The following SLC35F5 variants were observed in gnomAD, a reference collection of about 807,000 sequenced individuals.
SLC35F5 encodes solute carrier family 35 member F5, also known as HCV NS5A-transactivated protein 3.
SLC35F5 carries 54 observed loss-of-function variants against 68.6 expected under a neutral mutation model. The observed-to-expected ratio is 0.79, with a 90% CI of 0.63 to 0.99. The LOEUF (loss-of-function observed/expected upper bound fraction) is 0.99, where lower values mean the gene tolerates loss of function less well. Ranked by LOEUF, SLC35F5 falls within the 50% of genes least tolerant of loss-of-function variation. The pLI is 0.00. For synonymous variants in SLC35F5, 211 were observed against 205.2 expected (o/e 1.03, Z -0.24); for missense variants, 567 against 626.9 (o/e 0.90, Z 1.02).
chr2:113,747,286 C>CA (rs35423114), intron 4 of SLC35F5, among the ~76,000 whole-genome samples: 63,703 of 141,540 alleles, frequency 0.45, 14,721 homozygotes, highest in Middle Eastern at 0.65. Flanking sequence ...GATTCCGTCT[C>CA]AAAAAAAAAA....
At chr2:113,746,507 T>G (rs1348975557) in intron 4 of SLC35F5, among the ~76,000 whole-genome samples, 168 bp from the exon 5 acceptor site, 1 of 152,124 alleles carries the variant, frequency 6.6e-6, no homozygotes, top group Non-Finnish European at 1.5e-5. Flanking sequence ...CATTGTGAGG[T>G]AGGTATTATC....
rs190433562 is a variant in SLC35F5 at position 113,745,906 on chromosome 2, A to C, written c.480+371T>G. ...GTTTAACACAGATTTGTCACTGTAA[A>C]AAATTTGTGGAACAAACGAATAATT... is the stretch of plus-strand genomic sequence containing the variant. On this transcript the variant is annotated intron_variant, in intron 5 of 15. Transcript: ENST00000245680. 1.8e-4 allele frequency among the ~76,000 whole-genome samples: 27 copies of C among 152,326 alleles called. No individual in the cohort carries two copies. The East Asian group carries it at 5.0e-3, about 28-fold the overall frequency.
intron 7 of SLC35F5, 138 bp downstream of exon 7, chr2:113,742,554 C>G: frequency 1.3e-6 from 1 of 786,600 alleles, no homozygotes; most frequent in Non-Finnish European, 2.0e-6. Context: ...AACTTCCTAC[C>G]GGTATCAAAT....
At chr2:113,703,288 C>G (rs961747292), downstream of SLC35F5, among the ~76,000 whole-genome samples, 2 of 152,060 alleles carry the variant, frequency 1.3e-5, no homozygotes, top group African/African-American at 2.4e-5. Flanking sequence ...ACACGACTCA[C>G]GAGTTACAAC....
intron 3 of SLC35F5, among the ~76,000 whole-genome samples, chr2:113,750,956 G>A (rs531926570): frequency 6.6e-6 from 1 of 152,272 alleles, no homozygotes; most frequent in East Asian, 1.9e-4. Flanking sequence ...ACCTGCCTGG[G>A]CAACATGGCA....
At chr2:113,717,614 G>A (rs897007132) in intron 15 of SLC35F5, 139 bp downstream of exon 15, 4 of 536,134 alleles carry the variant, frequency 7.5e-6, no homozygotes, top group Non-Finnish European at 9.7e-6. Context: ...TGGAGAAGAC[G>A]GAACTGGAGT....
In SLC35F5 at chr2:113,714,634, A is replaced by G. The variant is rs1385696064; in HGVS notation, c.*584T>C. 4 of 152,160 alleles carry G rather than the reference A, an allele frequency of 2.6e-5. No individual in the cohort carries two copies. Among genetic ancestry groups the G allele is most frequent in the Admixed American group, 1.3e-4 (2 of 15,274 alleles). The allele number at this position is 152,160 out of a possible 1,614,324, so 9.4% of individuals were successfully genotyped here. A position where few individuals can be genotyped will look rare whatever the true frequency, so the allele number is the denominator to read the frequency against. ...AATACAGTAAATGTAGTGTAAGTGA[A>G]CCAGATATTTTCTCAAATACTTATT... On this transcript the variant is annotated 3_prime_UTR_variant, in exon 16 of 16. Transcript: ENST00000245680.
rs1397260251 is a variant in SLC35F5, at chr2:113,746,089, G to T, written c.480+188C>A. 3.9e-5 allele frequency among the ~76,000 whole-genome samples: 6 copies of T among 152,216 alleles called. No individual in the cohort carries two copies. The East Asian group carries it at 1.2e-3, about 29-fold the overall frequency. The stretch of plus-strand genomic sequence containing the variant: ...CTCTCTCTTCAGAGGCAGCTAAATT[G>T]CTTACCTCTAGGCCCCAGGTAACCC... On this transcript the variant is annotated intron_variant, in intron 5 of 15. Coordinates refer to ENST00000245680, the MANE Select transcript of SLC35F5 (RefSeq NM_025181.5).
rs1039162098 is a variant in SLC35F5 at position 113,734,795 on chromosome 2, T to A, written c.833-122A>T. ...CTACCTTTCAAATTATTTTTGTCAC[T>A]CTTAACTAAGAAAATGACTGCAGTT... is the stretch of plus-strand genomic sequence containing the variant. On this transcript the variant is annotated intron_variant, in intron 8 of 15. Coordinates refer to ENST00000245680, the MANE Select transcript of SLC35F5 (RefSeq NM_025181.5). 1.3e-5 allele frequency: 8 copies of A among 620,162 alleles called. No individual in the cohort carries two copies. The African/African-American group carries it at 1.3e-4, about 10-fold the overall frequency. The allele number at this position is 620,162 out of a possible 1,614,324, so 38.4% of individuals were successfully genotyped here.
At chr2:113,741,224 T>C (rs1219567376) in intron 7 of SLC35F5, among the ~76,000 whole-genome samples, 3 of 151,970 alleles carry the variant, frequency 2.0e-5, no homozygotes, top group Non-Finnish European at 4.4e-5. Flanking sequence ...GAGGTACTTA[T>C]GAGTAGTCAA....
At chr2:113,733,855 C>T (rs1240574469) in intron 9 of SLC35F5, among the ~76,000 whole-genome samples, 3 of 152,216 alleles carry the variant, frequency 2.0e-5, no homozygotes, top group African/African-American at 7.2e-5. Context: ...GCTTTGATAA[C>T]CAAGAAACAC....
At position 113,707,044 on chromosome 2, in the gene SLC35F5, T is replaced by C. The variant is rs1353230298; in HGVS notation, c.*8174A>G. Among the ~76,000 whole-genome samples the C allele has an allele frequency of 6.6e-6, 1 of 152,186 alleles. No homozygotes were observed. The highest frequency in any genetic ancestry group is 6.5e-5 in the Admixed American group (1 of 15,272). ...TTTATAATTGTGTTTAAATTTTAAA[T>C]ACTCTAGAATCTGAAAATATTAAAT... On this transcript the variant is annotated 3_prime_UTR_variant, in exon 16 of 16. Coordinates refer to ENST00000245680, the MANE Select transcript of SLC35F5 (RefSeq NM_025181.5).
Position 113,735,850 on chromosome 2 carries a change from CA to C in SLC35F5, c.758del (p.Leu253TrpfsTer17). On this transcript the variant is annotated frameshift_variant, in exon 8 of 16. Coordinates refer to ENST00000245680, the MANE Select transcript of SLC35F5 (RefSeq NM_025181.5). LOFTEE classifies it high-confidence loss of function. The stretch of plus-strand genomic sequence containing the variant: ...GTGCTTCTTGATATGACAAATTTGC[CA>C]AAAACCACTAAAGAAAAAGAAAACC... ...ISFFFCFVWF[L>X]ANLSYQEALS... The C allele has an allele frequency of 1.9e-6, 3 of 1,606,452 alleles. No homozygotes were observed. Among genetic ancestry groups the C allele is most frequent in the Non-Finnish European group, 2.6e-6 (3 of 1,175,950 alleles).
rs1686901334 is a variant in SLC35F5 at position 113,709,413 on chromosome 2, C to T, written c.*5805G>A. Among the ~76,000 whole-genome samples the T allele has an allele frequency of 6.6e-6, 1 of 152,194 alleles. No individual in the cohort carries two copies. The highest frequency in any genetic ancestry group is 2.1e-4 in the South Asian group (1 of 4,828). On this transcript the variant is annotated 3_prime_UTR_variant, in exon 16 of 16. Transcript: ENST00000245680. ...AGGAATCTTAAAAGATACTGAATTT[C>T]GCTTCTCACTTTATAGCTGAGAAGA...
chr2:113,747,518 T>C (rs966714253), intron 4 of SLC35F5, among the ~76,000 whole-genome samples: 2 of 151,892 alleles, frequency 1.3e-5, no homozygotes, highest in African/African-American at 4.8e-5. Flanking sequence ...AAATCAGTAA[T>C]AAAAAGGGAG....
rs1559318558 is a variant in SLC35F5 at position 113,718,932 on chromosome 2, A to AAAGAAAGG, written c.1496+221_1496+222insCCTTTCTT. On this transcript the variant is annotated intron_variant, in intron 14 of 15. Coordinates refer to ENST00000245680, the MANE Select transcript of SLC35F5 (RefSeq NM_025181.5). Reference sequence around the variant, plus strand: ...AAGAAAGAAAGAAAGAAAGAAAAAGAAAGGAAGAAAGGAAGGAAGGAAGAA... The same window carrying AAAGAAAGG: ...AAGAAAGAAAGAAAGAAAGAAAAAGAAAGAAAGGAAGGAAGAAAGGAAGGAAGGAAGAA... Among the ~76,000 whole-genome samples the AAAGAAAGG allele has an allele frequency of 4.5e-5, 6 of 133,182 alleles. No individual in the cohort carries two copies. The South Asian group carries it at 6.8e-4, about 15-fold the overall frequency. 87.4% of individuals were successfully genotyped at this position (133,182 alleles called of 152,430 possible). A position where few individuals can be genotyped will look rare whatever the true frequency, so the allele number is the denominator to read the frequency against.
chr2:113,732,032 A>C (rs1376733002), intron 9 of SLC35F5, among the ~76,000 whole-genome samples: 1 of 152,198 alleles, frequency 6.6e-6, no homozygotes, highest in Non-Finnish European at 1.5e-5. Flanking sequence ...ACTATCTTTC[A>C]GTTAAGAATG....
At chr2:113,740,999 T>C (rs1676251130) in intron 7 of SLC35F5, among the ~76,000 whole-genome samples, 1 of 152,220 alleles carries the variant, frequency 6.6e-6, no homozygotes, top group Admixed American at 6.6e-5. Flanking sequence ...GTTGCTATTT[T>C]TTAAAGACCA....
At chr2:113,706,203 T>A (rs1173918999), downstream of SLC35F5, among the ~76,000 whole-genome samples, 1 of 152,160 alleles carries the variant, frequency 6.6e-6, no homozygotes, top group Non-Finnish European at 1.5e-5. Flanking sequence ...ACCAGAGGGA[T>A]ACCACCAAGC....
Sources: allele counts gnomAD v4.1 joint callset (sites outside exome capture counted in the v4.1 genomes callset), GRCh38; gene constraint gnomAD v4.1.1; transcripts MANE v1.5; gene names NCBI Gene and HGNC (gene_info 2026-07-23, HGNC 2026-07-21).